Variants in GABPB1 observed in about 807,000 individuals in gnomAD.
GABPB1 encodes GA binding protein transcription factor subunit beta 1.
A neutral mutation model predicts 45.9 loss-of-function variants in GABPB1; 15 were observed. The observed-to-expected ratio is 0.33, with a 90% CI of 0.22 to 0.50. GABPB1 has a LOEUF of 0.50. GABPB1 is among the 20% of genes least tolerant of loss of function. The pLI is 0.98. For missense variants in GABPB1, 252 were observed against 457.5 expected (o/e 0.55, Z 4.10); for synonymous variants, 143 against 154.4 (o/e 0.93, Z 0.55).
chr15:50,299,675 A>C (rs1329803435), intron 6 of GABPB1, among the ~76,000 whole-genome samples: 1 of 152,212 alleles, frequency 6.6e-6, no homozygotes, highest in Non-Finnish European at 1.5e-5. Flanking sequence ...CTGGGCTTAC[A>C]GGAGCAAGCC....
chr15:50,290,630 A>C (rs2046314715), intron 6 of GABPB1, among the ~76,000 whole-genome samples: 1 of 152,130 alleles, frequency 6.6e-6, no homozygotes, highest in African/African-American at 2.4e-5. Context: ...GATGAATTTG[A>C]ATATGATTAT....
intron 8 of GABPB1, chr15:50,282,396 G>GAAAATA (rs771283416): frequency 5.4e-5 from 22 of 408,252 alleles, no homozygotes; most frequent in East Asian, 3.1e-4. Context: ...CCCTCTCTAT[G>GAAAATA]AAAATAAAAA....
chr15:50,316,956 A>T lies in GABPB1; in HGVS notation c.1-7158T>A, dbSNP rs555544515. Among the ~76,000 whole-genome samples, 11 of 152,196 alleles carry T rather than the reference A, an allele frequency of 7.2e-5. No homozygotes were observed. The East Asian group carries it at 2.1e-3, about 29-fold the overall frequency. Reference sequence around the variant, plus strand: ...CAAGTGTTAGACATTATATAATATTATCTCTAATATTTCAGTACAGATCTC... The same window carrying T: ...CAAGTGTTAGACATTATATAATATTTTCTCTAATATTTCAGTACAGATCTC... On this transcript the variant is annotated intron_variant, in intron 1 of 8. Coordinates refer to ENST00000380877, the MANE Select transcript of GABPB1 (RefSeq NM_016654.5).
intron 1 of GABPB1, among the ~76,000 whole-genome samples, chr15:50,337,420 A>C (rs1422259641): frequency 6.6e-6 from 1 of 151,966 alleles, no homozygotes; most frequent in Non-Finnish European, 1.5e-5. Flanking sequence ...TTTACTAGTA[A>C]ACTCTCTTCT....
chr15:50,323,188 G>A (rs542374700), intron 1 of GABPB1, among the ~76,000 whole-genome samples: 1 of 152,230 alleles, frequency 6.6e-6, no homozygotes, highest in Admixed American at 6.5e-5. Flanking sequence ...CTGCACAGCG[G>A]CTACTAGAAA....
At chr15:50,311,882 T>C (rs1318637412) in intron 1 of GABPB1, among the ~76,000 whole-genome samples, 3 of 152,146 alleles carry the variant, frequency 2.0e-5, no homozygotes, top group Non-Finnish European at 4.4e-5. Flanking sequence ...TAATTTTTAG[T>C]AGATTAGCTA....
intron 4 of GABPB1, 40 bp downstream of exon 4, chr15:50,302,886 GCTT>G: frequency 7.7e-7 from 1 of 1,307,030 alleles, no homozygotes; most frequent in Non-Finnish European, 1.1e-6. Context: ...TACTGATAAG[GCTT>G]CTTTTTCTTT....
intron 1 of GABPB1, among the ~76,000 whole-genome samples, chr15:50,320,167 T>G (rs1407976361): frequency 6.6e-6 from 1 of 152,220 alleles, no homozygotes; most frequent in Non-Finnish European, 1.5e-5. Flanking sequence ...AATCCTCTTT[T>G]TTTCATTTTA....
At chr15:50,343,501 AC>A (rs2048457142) in intron 1 of GABPB1, among the ~76,000 whole-genome samples, 1 of 151,824 alleles carries the variant, frequency 6.6e-6, no homozygotes, top group Non-Finnish European at 1.5e-5. Context: ...GCTTTCCCAG[AC>A]CACCTAAGAT....
At chr15:50,303,518 C>T (rs2046831472) in intron 3 of GABPB1, among the ~76,000 whole-genome samples, 1 of 152,050 alleles carries the variant, frequency 6.6e-6, no homozygotes, top group African/African-American at 2.4e-5. Context: ...CCCATCTCTA[C>T]TAAAAATACA....
intron 1 of GABPB1, chr15:50,349,564 T>G (rs2048745165): frequency 2.6e-5 from 4 of 152,158 alleles, no homozygotes; most frequent in African/African-American, 9.7e-5. Context: ...TTTAAAATAT[T>G]ACACATAAGA....
chr15:50,330,038 C>G (rs1466226023), intron 1 of GABPB1, among the ~76,000 whole-genome samples: 1 of 151,942 alleles, frequency 6.6e-6, no homozygotes, highest in Non-Finnish European at 1.5e-5. Context: ...TCCGAAGTAG[C>G]TGGGACTACA....
chr15:50,352,551 G>A (rs2048882183), intron 1 of GABPB1: 1 of 152,168 alleles, frequency 6.6e-6, no homozygotes, highest in Non-Finnish European at 1.5e-5. Context: ...AGCCAGGCTG[G>A]TCTCAAACTC....
chr15:50,346,644 A>G (rs2048596912), intron 1 of GABPB1, among the ~76,000 whole-genome samples: 1 of 129,924 alleles, frequency 7.7e-6, no homozygotes, highest in Non-Finnish European at 1.5e-5. Context: ...CAAGGCTGGT[A>G]GTGAACCACC....
In GABPB1 at chr15:50,328,067, G is replaced by A. The variant is rs980525009; in HGVS notation, c.1-18269C>T. ...CCAAATAACCTAAGTGTCTATAAAC[G>A]AAAAAATTAAATTTTCATTATACAA... On this transcript the variant is annotated intron_variant, in intron 1 of 8. Coordinates refer to ENST00000380877, the MANE Select transcript of GABPB1 (RefSeq NM_016654.5). 8.6e-5 allele frequency among the ~76,000 whole-genome samples: 13 copies of A among 150,838 alleles called. 1 individual carries two copies. The highest frequency in any genetic ancestry group is 2.6e-4 in the Admixed American group (4 of 15,134).
chr15:50,301,664 G>T (rs1414576978), intron 4 of GABPB1, among the ~76,000 whole-genome samples: 2 of 152,048 alleles, frequency 1.3e-5, no homozygotes, highest in Non-Finnish European at 2.9e-5. Context: ...GAGGTGGCAG[G>T]TGCCTGTAAT....
chr15:50,286,308 T>A, intron 7 of GABPB1, 125 bp from the exon 8 acceptor site: 1 of 649,272 alleles, frequency 1.5e-6, no homozygotes, highest in South Asian at 4.2e-5. Context: ...TAATTCCAAA[T>A]CATTGATTTG....
chr15:50,340,718 C>G (rs1039895385), intron 1 of GABPB1, among the ~76,000 whole-genome samples: 2 of 151,530 alleles, frequency 1.3e-5, no homozygotes, highest in African/African-American at 2.4e-5. Flanking sequence ...TTCTCAAACT[C>G]CTAATGAGAC....
chr15:50,303,691 A>C (rs2046839715), intron 3 of GABPB1, among the ~76,000 whole-genome samples: 1 of 151,230 alleles, frequency 6.6e-6, no homozygotes, highest in African/African-American at 2.4e-5. Flanking sequence ...AAAAAAAAAA[A>C]AACAAAAAGA....
Sources: allele counts gnomAD v4.1 joint callset (sites outside exome capture counted in the v4.1 genomes callset), GRCh38; gene constraint gnomAD v4.1.1; transcripts MANE v1.5; gene names NCBI Gene and HGNC (gene_info 2026-07-23, HGNC 2026-07-21).